Variants in ATRNL1 observed in about 807,000 individuals in gnomAD.
ATRNL1 encodes attractin-like protein 1.
Under a neutral mutation model 182.7 loss-of-function variants are expected in ATRNL1, and 95 were observed. The observed-to-expected ratio is 0.52, with a 90% confidence interval of 0.44 to 0.62. The LOEUF (loss-of-function observed/expected upper bound fraction) is 0.62. Ranked by LOEUF, ATRNL1 falls within the 20% of genes least tolerant of loss-of-function variation. The probability of loss-of-function intolerance (pLI) is 0.00; values close to 1 mark genes in which losing one functional copy is unlikely to be tolerated. For synonymous variants in ATRNL1, 576 were observed against 568.3 expected, an observed-to-expected ratio of 1.01 and a Z score of -0.19; for missense variants, 1,471 against 1,679.5, an observed-to-expected ratio of 0.88 and a Z score of 2.17.
At chr10:115,549,368 A>G (rs1852838470) in intron 25 of ATRNL1, 90 bp from the exon 26 acceptor site, 1 of 700,884 alleles carries the variant, frequency 1.4e-6, no homozygotes, top group Non-Finnish European at 2.2e-6. Context: ...TTACTTATAT[A>G]TATATGTATT....
At chr10:115,695,140 A>G (rs782764635) in intron 26 of ATRNL1, among the ~76,000 whole-genome samples, 53 of 152,264 alleles carry the variant, frequency 3.5e-4, no homozygotes, top group Non-Finnish European at 6.9e-4. Context: ...AAGAAAAGAA[A>G]AAAAAGAAAA....
chr10:115,127,079 GAAGT>G (rs1302257435), intron 3 of ATRNL1, among the ~76,000 whole-genome samples: 1 of 152,020 alleles, frequency 6.6e-6, no homozygotes, highest in Non-Finnish European at 1.5e-5. Flanking sequence ...TAAATTTTTT[GAAGT>G]AAATATTTTA....
chr10:115,198,006 G>A (rs74622510), intron 8 of ATRNL1, among the ~76,000 whole-genome samples: 2,259 of 152,204 alleles, frequency 0.015, 44 homozygotes, highest in African/African-American at 0.051. Context: ...TTTTTGACAT[G>A]CTGATTTCAT....
At chr10:115,761,603 A>G (rs974020117) in intron 27 of ATRNL1, among the ~76,000 whole-genome samples, 1 of 152,208 alleles carries the variant, frequency 6.6e-6, no homozygotes, top group Non-Finnish European at 1.5e-5. Context: ...ACTTACAATG[A>G]AAAGGAAGGA....
intron 19 of ATRNL1, among the ~76,000 whole-genome samples, chr10:115,357,037 C>T (rs995316603): frequency 6.6e-6 from 1 of 151,842 alleles, no homozygotes; most frequent in Non-Finnish European, 1.5e-5. Flanking sequence ...TGATGTGATG[C>T]TTAGCCCCTA....
intron 19 of ATRNL1, among the ~76,000 whole-genome samples, chr10:115,362,266 T>G (rs1321267791): frequency 2.6e-5 from 4 of 152,076 alleles, no homozygotes; most frequent in African/African-American, 9.7e-5. Flanking sequence ...AACTATAAAT[T>G]GATGAAAATT....
At chr10:115,265,546 C>T (rs1228296508) in intron 11 of ATRNL1, among the ~76,000 whole-genome samples, 1 of 151,400 alleles carries the variant, frequency 6.6e-6, no homozygotes, top group Non-Finnish European at 1.5e-5. Context: ...GCCTTCTTTT[C>T]TTTTTCCAGA....
Position 115,740,979 on chromosome 10 carries a change from A to G in ATRNL1, c.3903+13624A>G, listed in dbSNP as rs569797212. The stretch of plus-strand genomic sequence containing the variant: ...CAGCACATTTTGGAAAATAAAAGTA[A>G]TAACAGCTCAGTTTTATTTTTCCAT... On this transcript the variant is annotated intron_variant, in intron 27 of 28. Coordinates refer to ENST00000355044, the MANE Select transcript of ATRNL1 (RefSeq NM_207303.4). 2.6e-5 allele frequency among the ~76,000 whole-genome samples: 4 copies of G among 152,286 alleles called. No individual in the cohort carries two copies. The South Asian group carries it at 8.3e-4, about 32-fold the overall frequency.
chr10:115,132,070 T>TCCCTCCC (rs1554875326), intron 5 of ATRNL1, among the ~76,000 whole-genome samples: 1 of 148,420 alleles, frequency 6.7e-6, no homozygotes, highest in Non-Finnish European at 1.5e-5. Flanking sequence ...CCTAATTCTA[T>TCCCTCCC]CCCTCCCCCC....
chr10:115,294,113 T>C (rs1339370682), intron 15 of ATRNL1, among the ~76,000 whole-genome samples: 2 of 152,252 alleles, frequency 1.3e-5, no homozygotes, highest in Non-Finnish European at 2.9e-5. Context: ...ACTAAATGTT[T>C]CTTGTAAATG....
intron 10 of ATRNL1, among the ~76,000 whole-genome samples, chr10:115,256,023 G>T (rs1261855866): frequency 6.6e-6 from 1 of 152,170 alleles, no homozygotes; most frequent in Non-Finnish European, 1.5e-5. Flanking sequence ...TTGATGTGCT[G>T]ATGGATTTGG....
chr10:115,104,916 C>CT (rs34797636), intron 1 of ATRNL1, among the ~76,000 whole-genome samples: 53,140 of 150,890 alleles, frequency 0.35, 9,683 homozygotes, highest in African/African-American at 0.44. Context: ...TTTTTTTTCT[C>CT]TTTTTTTAAT....
chr10:115,550,185 G>C (rs1852886573), intron 26 of ATRNL1, among the ~76,000 whole-genome samples: 1 of 151,766 alleles, frequency 6.6e-6, no homozygotes, highest in African/African-American at 2.4e-5. Flanking sequence ...AGGAGCAAAA[G>C]TATGCAGTAG....
chr10:115,116,185 T>C (rs1284091382), intron 1 of ATRNL1, among the ~76,000 whole-genome samples: 1 of 152,064 alleles, frequency 6.6e-6, no homozygotes, highest in Non-Finnish European at 1.5e-5. Context: ...CAATAAAAGT[T>C]CATTTACACA....
At chr10:115,274,545 G>T (rs1466902127) in intron 13 of ATRNL1, among the ~76,000 whole-genome samples, 3 of 152,132 alleles carry the variant, frequency 2.0e-5, no homozygotes, top group Non-Finnish European at 4.4e-5. Flanking sequence ...CAAATATCTT[G>T]CCAGTAAGTC....
At chr10:115,244,591 T>G (rs536157527) in intron 10 of ATRNL1, among the ~76,000 whole-genome samples, 20 of 152,352 alleles carry the variant, frequency 1.3e-4, no homozygotes, top group African/African-American at 4.6e-4. Flanking sequence ...ACACATTTCT[T>G]AATTTGACTG....
chr10:115,639,663 G>A (rs1859106565), intron 26 of ATRNL1, among the ~76,000 whole-genome samples: 1 of 152,002 alleles, frequency 6.6e-6, no homozygotes, highest in Non-Finnish European at 1.5e-5. Flanking sequence ...AGTACACAGA[G>A]CAACCACTAT....
chr10:115,468,645 T>A (rs1848169716), intron 23 of ATRNL1, among the ~76,000 whole-genome samples: 1 of 150,890 alleles, frequency 6.6e-6, no homozygotes, highest in Non-Finnish European at 1.5e-5. Flanking sequence ...CCAATTTATT[T>A]AAAGCAGTGA....
chr10:115,287,167 C>T (rs1852659570), intron 15 of ATRNL1, among the ~76,000 whole-genome samples: 1 of 151,944 alleles, frequency 6.6e-6, no homozygotes, highest in Admixed American at 6.6e-5. Flanking sequence ...TGGTGGACAG[C>T]ATAAAATCTG....
Sources: gnomAD v4.1 joint callset for allele counts (sites outside exome capture counted in the v4.1 genomes callset) on GRCh38, gnomAD v4.1.1 for gene constraint, MANE v1.5 for transcripts, NCBI Gene and HGNC (gene_info 2026-07-23, HGNC 2026-07-21) for gene names.